Variants in KAZN observed in about 807,000 individuals in gnomAD.
KAZN encodes kazrin.
KAZN carries 40 observed loss-of-function variants against 87.4 expected under a neutral mutation model. That is an observed-to-expected ratio of 0.46 (90% CI 0.36 to 0.60). The LOEUF (loss-of-function observed/expected upper bound fraction) is 0.60. Ranked by LOEUF, KAZN falls within the 20% of genes least tolerant of loss-of-function variation. The pLI, the probability that KAZN is intolerant of heterozygous loss-of-function variation, is 0.00. For missense variants in KAZN, 898 were observed against 1,073.9 expected, an observed-to-expected ratio of 0.84 and a Z score of 2.29; for synonymous variants, 466 against 458.3, an observed-to-expected ratio of 1.02 and a Z score of -0.22.
Position 13,975,822 on chromosome 1 carries a change from G to T in KAZN, c.91+82066G>T, listed in dbSNP as rs182597315. Among the ~76,000 whole-genome samples the T allele has an allele frequency of 1.0e-3, 153 of 152,244 alleles. 1 individual carries two copies. The highest frequency in any genetic ancestry group is 2.8e-3 in the African/African-American group (117 of 41,526). On this transcript the variant is annotated intron_variant, in intron 1 of 16. Transcript: ENST00000636203. ...AGGCTTGCTGAATGAATGAATGAAT[G>T]AATGAATCAAAAGGAATAAATATGA...
At chr1:14,139,963 GT>G (rs1645199555) in intron 1 of KAZN, among the ~76,000 whole-genome samples, 7 of 108,108 alleles carry the variant, frequency 6.5e-5, no homozygotes, top group Non-Finnish European at 3.6e-5. Context: ...GTGTGTGTGT[GT>G]GTGTGGTATG....
At chr1:14,951,347 AC>A (rs553767220) in intron 1 of KAZN, among the ~76,000 whole-genome samples, 92 of 152,128 alleles carry the variant, frequency 6.0e-4, no homozygotes, top group African/African-American at 2.1e-3. Context: ...TTTGTTGAAT[AC>A]GTTAATAACA....
chr1:14,591,840 T>A (rs1676222372), intron 2 of KAZN, among the ~76,000 whole-genome samples: 1 of 152,220 alleles, frequency 6.6e-6, no homozygotes, highest in Non-Finnish European at 1.5e-5. Flanking sequence ...TCATCAACAC[T>A]GAACGCATAG....
intron 1 of KAZN, among the ~76,000 whole-genome samples, chr1:14,162,680 G>T (rs535111769): frequency 1.5e-4 from 23 of 152,108 alleles, no homozygotes; most frequent in African/African-American, 5.5e-4. Flanking sequence ...AAATAGCTGG[G>T]ACTACAGGCA....
intron 1 of KAZN, among the ~76,000 whole-genome samples, chr1:13,924,948 C>T (rs1640217913): frequency 6.6e-6 from 1 of 152,134 alleles, no homozygotes; most frequent in Non-Finnish European, 1.5e-5. Flanking sequence ...TACAATTCAC[C>T]CATTTGACGT....
rs554689480 is a variant in KAZN at position 14,345,103 on chromosome 1, G to C, written c.249+164511G>C. 3.9e-5 allele frequency among the ~76,000 whole-genome samples: 6 copies of C among 152,114 alleles called. No homozygotes were observed. The East Asian group carries it at 9.7e-4, about 25-fold the overall frequency. On this transcript the variant is annotated intron_variant, in intron 2 of 16. Coordinates refer to the KAZN transcript ENST00000636203. ...CTGGCTAATTTTTGTATTTTTAGTAGAGATGGTGTTTACCATGTTGGCCAG... is the reference window on the plus strand; with the variant it reads ...CTGGCTAATTTTTGTATTTTTAGTACAGATGGTGTTTACCATGTTGGCCAG...
chr1:14,947,869 G>A (rs1270340561), intron 1 of KAZN, among the ~76,000 whole-genome samples: 1 of 152,204 alleles, frequency 6.6e-6, no homozygotes, highest in Admixed American at 6.5e-5. Context: ...CCCTCCAGAT[G>A]GGGGAAAAGG....
At chr1:14,494,680 C>G (rs1443656459) in intron 2 of KAZN, among the ~76,000 whole-genome samples, 1 of 152,156 alleles carries the variant, frequency 6.6e-6, no homozygotes, top group Non-Finnish European at 1.5e-5. Flanking sequence ...CCTCCTGAAC[C>G]AATCTGTAAT....
intron 2 of KAZN, among the ~76,000 whole-genome samples, chr1:14,487,088 G>A (rs551113418): frequency 9.9e-5 from 15 of 152,268 alleles, no homozygotes; most frequent in African/African-American, 2.2e-4. Flanking sequence ...TTCTTTCCTG[G>A]CACGTTAGGA....
intron 2 of KAZN, among the ~76,000 whole-genome samples, chr1:14,387,297 C>G (rs1423347926): frequency 1.3e-5 from 2 of 152,156 alleles, no homozygotes; most frequent in African/African-American, 4.8e-5. Context: ...TCATCTGAAG[C>G]CTTCTTCTCT....
At chr1:14,246,408 C>G (rs1023942779) in intron 2 of KAZN, among the ~76,000 whole-genome samples, 4 of 152,002 alleles carry the variant, frequency 2.6e-5, no homozygotes, top group Non-Finnish European at 5.9e-5. Context: ...GGGCTATTAG[C>G]CTTTTATTAG....
At chr1:14,553,140 C>T (rs779465871) in intron 2 of KAZN, among the ~76,000 whole-genome samples, 6 of 152,216 alleles carry the variant, frequency 3.9e-5, no homozygotes, top group East Asian at 1.9e-4. Flanking sequence ...TTTGGGAAGC[C>T]GAGGCGGGCA....
intron 1 of KAZN, among the ~76,000 whole-genome samples, chr1:14,822,228 G>T (rs1346440876): frequency 6.6e-6 from 1 of 152,198 alleles, no homozygotes; most frequent in Non-Finnish European, 1.5e-5. Context: ...TGAGGTGCCA[G>T]GCCGAGAATT....
Position 14,703,885 on chromosome 1 carries a change from T to A in KAZN, c.226+104662T>A, listed in dbSNP as rs369800595. ...ACTCCAGCCTGTGAGACTTTGTCTCTAAAAAAATGAAAAATAAAAAAGAAT... is the reference window on the plus strand; with the variant it reads ...ACTCCAGCCTGTGAGACTTTGTCTCAAAAAAAATGAAAAATAAAAAAGAAT... On this transcript the variant is annotated intron_variant, in intron 1 of 14. Coordinates refer to ENST00000376030, the MANE Select transcript of KAZN (RefSeq NM_201628.3). Among the ~76,000 whole-genome samples the A allele has an allele frequency of 1.1e-4, 16 of 152,084 alleles. No homozygotes were observed. The East Asian group carries it at 2.9e-3, about 28-fold the overall frequency.
intron 2 of KAZN, among the ~76,000 whole-genome samples, chr1:14,459,547 C>T (rs1246034838): frequency 2.6e-5 from 4 of 152,124 alleles, no homozygotes; most frequent in Non-Finnish European, 5.9e-5. Flanking sequence ...TGGACTGCTG[C>T]GTCATGAAGG....
At chr1:14,623,197 C>T (rs1472469944) in intron 1 of KAZN, among the ~76,000 whole-genome samples, 2 of 152,094 alleles carry the variant, frequency 1.3e-5, no homozygotes, top group Non-Finnish European at 2.9e-5. Flanking sequence ...GCACTATTCA[C>T]AATAGCAAAG....
chr1:14,536,377 T>A (rs545808311), intron 2 of KAZN, among the ~76,000 whole-genome samples: 9 of 152,186 alleles, frequency 5.9e-5, no homozygotes, highest in Non-Finnish European at 1.2e-4. Flanking sequence ...TCCTGGAGGC[T>A]CTGGTACTAT....
chr1:14,598,475 C>T (rs137993953), upstream of KAZN, among the ~76,000 whole-genome samples: 865 of 152,236 alleles, frequency 5.7e-3, 5 homozygotes, highest in African/African-American at 0.019. The surrounding 1 kb of genome is among the most constrained non-coding windows in gnomAD (Gnocchi z 4.2). Flanking sequence ...GGGCCGGCCT[C>T]GGTCCAGGCG....
At chr1:14,908,746 G>C (rs1656893634) in intron 1 of KAZN, among the ~76,000 whole-genome samples, 2 of 152,040 alleles carry the variant, frequency 1.3e-5, no homozygotes, top group African/African-American at 2.4e-5. Flanking sequence ...CGGGCATGGT[G>C]GCTCACGCCT....
Sources: gnomAD v4.1 joint callset for allele counts (sites outside exome capture counted in the v4.1 genomes callset) on GRCh38, gnomAD v4.1.1 for gene constraint, Gnocchi (gnomAD v3.1) non-coding constraint, MANE v1.5 for transcripts, NCBI Gene and HGNC (gene_info 2026-07-23, HGNC 2026-07-21) for gene names.